Variants in RERE observed in about 807,000 individuals in gnomAD.
RERE encodes the protein arginine-glutamic acid dipeptide repeats.
RERE carries 40 observed loss-of-function variants against 146.1 expected under a neutral mutation model. That is an observed-to-expected ratio of 0.27 (90% CI 0.21 to 0.36). The LOEUF (loss-of-function observed/expected upper bound fraction) is 0.36. Among genes scored for constraint, RERE ranks in the 10% least tolerant of loss-of-function variants. RERE has a pLI of 1.00. For synonymous variants in RERE, 1,003 were observed against 866.0 expected (o/e 1.16, Z -2.78); for missense variants, 1,933 against 2,138.7 (o/e 0.90, Z 1.90).
intron 4 of RERE, among the ~76,000 whole-genome samples, chr1:8,558,518 G>C (rs1478578534): frequency 1.3e-5 from 2 of 152,198 alleles, no homozygotes; most frequent in Non-Finnish European, 2.9e-5. Context: ...CCGTTGGTCA[G>C]TAATGAATGA....
chr1:8,457,588 A>G (rs1267372860), intron 11 of RERE, among the ~76,000 whole-genome samples: 1 of 151,908 alleles, frequency 6.6e-6, no homozygotes, highest in Admixed American at 6.6e-5. Context: ...AGACTTACTT[A>G]CTTACTTTAT....
chr1:8,506,507 T>C (rs1645251783), intron 8 of RERE, among the ~76,000 whole-genome samples: 1 of 152,250 alleles, frequency 6.6e-6, no homozygotes, highest in Non-Finnish European at 1.5e-5. Context: ...GCTCAAAATC[T>C]AGACAGAAAT....
chr1:8,809,222 G>C (rs1217489725), intron 1 of RERE, among the ~76,000 whole-genome samples: 1 of 150,688 alleles, frequency 6.6e-6, no homozygotes, highest in Non-Finnish European at 1.5e-5. Flanking sequence ...CATAAACTCA[G>C]CACATTTTAG....
chr1:8,597,396 A>AT (rs769782207), intron 4 of RERE, among the ~76,000 whole-genome samples: 14 of 152,156 alleles, frequency 9.2e-5, no homozygotes, highest in Middle Eastern at 3.2e-3. Flanking sequence ...CCAGCCCCTG[A>AT]TGCTAATTTT....
chr1:8,431,663 C>T (rs1644097478), intron 11 of RERE, among the ~76,000 whole-genome samples: 2 of 152,192 alleles, frequency 1.3e-5, no homozygotes, highest in South Asian at 4.1e-4. Flanking sequence ...GTCTTATAAA[C>T]ACTGTTTACT....
At position 8,668,776 on chromosome 1, in the gene RERE, G is replaced by A. The variant is rs531342468; in HGVS notation, c.-144-12335C>T. On this transcript the variant is annotated intron_variant, in intron 1 of 22. Coordinates refer to ENST00000400908, the MANE Select transcript of RERE (RefSeq NM_001042681.2). Reference sequence around the variant, plus strand: ...AAAGACAGATCCATAGGGACAGAGAGCAGATTACTTGTTGCCTAGGGTTGC... The same window carrying A: ...AAAGACAGATCCATAGGGACAGAGAACAGATTACTTGTTGCCTAGGGTTGC... Among the ~76,000 whole-genome samples, 18 of 152,306 alleles carry A rather than the reference G, an allele frequency of 1.2e-4. No homozygotes were observed. In the East Asian group the frequency reaches 3.3e-3, roughly 28 times the overall value.
chr1:8,741,324 T>C (rs1569683699), intron 1 of RERE, among the ~76,000 whole-genome samples: 1 of 152,316 alleles, frequency 6.6e-6, no homozygotes, highest in East Asian at 1.9e-4. Flanking sequence ...TAGCAAGATG[T>C]CTAGAACAAA....
intron 1 of RERE, among the ~76,000 whole-genome samples, chr1:8,746,166 C>A (rs1262362877): frequency 3.3e-5 from 5 of 152,188 alleles, no homozygotes; most frequent in African/African-American, 4.8e-5. Context: ...TTATTTGTTG[C>A]CTTCAGGGTA....
chr1:8,437,929 T>C (rs1166092328), intron 11 of RERE, among the ~76,000 whole-genome samples: 1 of 151,004 alleles, frequency 6.6e-6, no homozygotes, highest in Non-Finnish European at 1.5e-5. Flanking sequence ...TTTGTGATAT[T>C]TGAGATGCTA....
Position 8,806,570 on chromosome 1 carries a change from G to A in RERE, c.-145+10590C>T, listed in dbSNP as rs75937239. Among the ~76,000 whole-genome samples, 64 of 152,150 alleles carry A rather than the reference G, an allele frequency of 4.2e-4. No individual in the cohort carries two copies. In the East Asian group the frequency reaches 7.5e-3, roughly 18 times the overall value. Reference sequence around the variant, plus strand: ...TCCTAAGTATGCCTTGGGGTCAAGCGATTAAGCCAAATCTCCCTTATCTCT... The same window carrying A: ...TCCTAAGTATGCCTTGGGGTCAAGCAATTAAGCCAAATCTCCCTTATCTCT... On this transcript the variant is annotated intron_variant, in intron 1 of 22. Coordinates refer to ENST00000400908, the MANE Select transcript of RERE (RefSeq NM_001042681.2).
At chr1:8,592,612 T>C (rs1261358838) in intron 4 of RERE, among the ~76,000 whole-genome samples, 1 of 151,926 alleles carries the variant, frequency 6.6e-6, no homozygotes, top group Non-Finnish European at 1.5e-5. Flanking sequence ...GCTGGTGCAG[T>C]GGTTCACGCC....
rs540058814 is a variant in RERE, at chr1:8,358,614, C to A, written c.3921G>T (p.Arg1307=). 6.3e-7 allele frequency: 1 copy of A among 1,595,236 alleles called. No individual in the cohort carries two copies. The highest frequency in any genetic ancestry group is 8.5e-7 in the Non-Finnish European group (1 of 1,171,592). The change falls in exon 20 of 23, where the codon CGG becomes CGT. Residue 1307 remains arginine (R), a synonymous_variant. Transcript: ENST00000400908. ...CTCGGATCTCCCGCTCTCGGATCTC[C>A]CGCTCCCGGAGCTCCCGCTCGCGGA... ...PTIRERELRE[R]EIREREIRER... is the part of the protein sequence containing the mutation.
At chr1:8,540,315 G>C (rs2124388452) in intron 7 of RERE, among the ~76,000 whole-genome samples, 1 of 152,186 alleles carries the variant, frequency 6.6e-6, no homozygotes, top group African/African-American at 2.4e-5. Flanking sequence ...TGCCTAGCTA[G>C]GCTGGTCTCA....
chr1:8,586,731 A>T (rs1440723541), intron 4 of RERE, among the ~76,000 whole-genome samples: 1 of 152,214 alleles, frequency 6.6e-6, no homozygotes, highest in Non-Finnish European at 1.5e-5. Flanking sequence ...TAAACATTCC[A>T]TAATTATGTG....
chr1:8,358,570 C>T lies in RERE; in HGVS notation c.3965G>A (p.Arg1322Lys). Residue 1322 changes from arginine (R) to lysine (K), a missense_variant, in exon 20 of 23, where the codon AGG (arginine) becomes AAG (lysine). By Grantham distance (26) the Arg-to-Lys change is conservative. This residue lies in a region of RERE where 1,255 missense variants were observed against 1,153.8 expected (regional missense o/e 1.09). Transcript: ENST00000400908. ...REIRERELRE[R>K]MKPGFEVKPP... is the part of the protein sequence containing the mutation. ...CTTCACCTCGAAGCCCGGCTTCATCCTCTCCCGCAGCTCCCGCTCTCGGAT... is the reference window on the plus strand; with the variant it reads ...CTTCACCTCGAAGCCCGGCTTCATCTTCTCCCGCAGCTCCCGCTCTCGGAT... The T allele has an allele frequency of 1.2e-6, 2 of 1,606,604 alleles. No individual in the cohort carries two copies. The highest frequency in any genetic ancestry group is 2.2e-5 in the East Asian group (1 of 44,812).
chr1:8,384,442 TAAG>T (rs1642571988), intron 12 of RERE, among the ~76,000 whole-genome samples: 1 of 152,124 alleles, frequency 6.6e-6, no homozygotes, highest in Non-Finnish European at 1.5e-5. Context: ...GGGGCATTAA[TAAG>T]AAGAGCAGGG....
chr1:8,404,738 C>T (rs779559354), intron 12 of RERE, among the ~76,000 whole-genome samples: 2 of 152,174 alleles, frequency 1.3e-5, no homozygotes, highest in Non-Finnish European at 1.5e-5. Context: ...GGGTCGACAA[C>T]CCATACAGCT....
intron 12 of RERE, among the ~76,000 whole-genome samples, chr1:8,374,345 A>T (rs995124963): frequency 6.6e-6 from 1 of 151,364 alleles, no homozygotes; most frequent in Non-Finnish European, 1.5e-5. Context: ...TTTTTATAAC[A>T]TTTTAAAAAA....
intron 2 of RERE, among the ~76,000 whole-genome samples, chr1:8,627,830 C>T (rs1343606712): frequency 6.6e-6 from 1 of 152,082 alleles, no homozygotes; most frequent in Non-Finnish European, 1.5e-5. Flanking sequence ...AAGTTACATT[C>T]AAGAAAAGTG....
Sources: gnomAD v4.1 joint callset for allele counts (sites outside exome capture counted in the v4.1 genomes callset) on GRCh38, gnomAD v4.1.1 for gene constraint, gnomAD v4.1.1 regional missense constraint, MANE v1.5 for transcripts, NCBI Gene and HGNC (gene_info 2026-07-23, HGNC 2026-07-21) for gene names.